Variants in IDO1 observed in about 807,000 individuals in gnomAD.
IDO1 encodes the protein indolamine 2,3 dioxygenase.
IDO1 carries 35 observed loss-of-function variants against 38.8 expected under a neutral mutation model. The observed-to-expected ratio is 0.90, with a 90% CI of 0.69 to 1.20. IDO1 has a LOEUF of 1.20. Ranked by LOEUF, IDO1 falls within the 50% of genes most tolerant of loss-of-function variation. IDO1 has a pLI of 0.00. For missense variants in IDO1, 509 were observed against 485.1 expected (o/e 1.05, Z -0.46); for synonymous variants, 171 against 170.0 (o/e 1.01, Z -0.05).
At chr8:39,924,965 G>A (rs1290786114) in intron 8 of IDO1, among the ~76,000 whole-genome samples, 193 bp downstream of exon 8, 1 of 152,140 alleles carries the variant, frequency 6.6e-6, no homozygotes, top group Non-Finnish European at 1.5e-5. Flanking sequence ...AGGAAAGCTA[G>A]TTATTTTAAA....
intron 1 of IDO1, among the ~76,000 whole-genome samples, chr8:39,915,984 T>C (rs1477959676): frequency 1.3e-5 from 2 of 151,438 alleles, no homozygotes; most frequent in East Asian, 3.9e-4. Context: ...GCCAATGTGG[T>C]GAAACCCCGT....
At chr8:39,915,166 T>C (rs1219013316) in intron 1 of IDO1, among the ~76,000 whole-genome samples, 3 of 152,176 alleles carry the variant, frequency 2.0e-5, no homozygotes, top group Non-Finnish European at 4.4e-5. Flanking sequence ...GAGGCCAGTA[T>C]GAGCCTAAGC....
At chr8:39,914,951 G>T (rs1807151682) in intron 1 of IDO1, among the ~76,000 whole-genome samples, 1 of 152,088 alleles carries the variant, frequency 6.6e-6, no homozygotes, top group Non-Finnish European at 1.5e-5. Context: ...ATTTTTAGTA[G>T]AGACGGGGTT....
Position 39,928,417 on chromosome 8 carries a change from T to C in IDO1, c.*232T>C. 2.3e-6 allele frequency: 1 copy of C among 436,014 alleles called. No individual in the cohort carries two copies. Among genetic ancestry groups the C allele is most frequent in the Non-Finnish European group, 4.1e-6 (1 of 244,884 alleles). 27.0% of individuals were successfully genotyped at this position (436,014 alleles called of 1,614,324 possible). On this transcript the variant is annotated 3_prime_UTR_variant, in exon 10 of 10. Coordinates refer to ENST00000518237, the MANE Select transcript of IDO1 (RefSeq NM_002164.6). ...ATCTTATCATTGGAATAAAATGACA[T>C]TCAATAAATAAAAATGCATAAGATA...
intron 9 of IDO1, among the ~76,000 whole-genome samples, chr8:39,927,514 C>G (rs1261886453): frequency 6.7e-6 from 1 of 148,634 alleles, no homozygotes; most frequent in East Asian, 2.0e-4. Flanking sequence ...GAGCCGAGAT[C>G]GTGCCACTGC....
In IDO1 at chr8:39,918,199, G is replaced by C. The variant is rs1807208535; in HGVS notation, c.295G>C (p.Val99Leu). 6.2e-7 allele frequency: 1 copy of C among 1,607,282 alleles called. No individual in the cohort carries two copies. Among genetic ancestry groups the C allele is most frequent in the East Asian group, 2.2e-5 (1 of 44,690 alleles). Residue 99 changes from valine to leucine, a missense_variant, in exon 3 of 10, where the codon GTC becomes CTC. Transcript: ENST00000518237. ...TGTGTGGGGCAAAGGTCATGGAGAT[G>C]TCCGTAAGGTTTGGAGATTTTCTCA... ...AYVWGKGHGD[V>L]RKVLPRNIAV...
At chr8:39,918,303 C>T (rs912531241) in intron 3 of IDO1, 96 bp downstream of exon 3, 7 of 1,264,934 alleles carry the variant, frequency 5.5e-6, no homozygotes, top group Non-Finnish European at 7.8e-6. Flanking sequence ...ATTATAACTG[C>T]ATCATGCAAA....
At position 39,918,224 on chromosome 8, in the gene IDO1, A is replaced by T. The variant is rs748288673; in HGVS notation, c.303+17A>T. On this transcript the variant is annotated intron_variant, in intron 3 of 9. Coordinates refer to ENST00000518237, the MANE Select transcript of IDO1 (RefSeq NM_002164.6). ...GTCCGTAAGGTTTGGAGATTTTCTC[A>T]GATTTCTTATGCTATGTGACAGATT... 6 of 1,597,696 alleles carry T rather than the reference A, an allele frequency of 3.8e-6. No homozygotes were observed. The Admixed American group carries it at 1.0e-4, about 27-fold the overall frequency.
intron 4 of IDO1, among the ~76,000 whole-genome samples, chr8:39,919,592 G>A (rs536676458): frequency 3.3e-4 from 51 of 152,270 alleles, no homozygotes; most frequent in African/African-American, 1.2e-3. Context: ...CTGGGTGTGT[G>A]CCTGTAGAAA....
Position 39,917,941 on chromosome 8 carries a change from T to C in IDO1, c.154T>C (p.Ser52Pro), listed in dbSNP as rs747693827. The change falls in exon 2 of 10, where the codon TCT (serine) becomes CCT (proline). Residue 52 changes from serine (S) to proline (P), a missense_variant. Physicochemically the swap from Ser to Pro is moderately conservative, Grantham distance 74. Coordinates refer to ENST00000518237, the MANE Select transcript of IDO1 (RefSeq NM_002164.6). ...TAAACATCTGCCTGATCTCATAGAG[T>C]CTGGCCAGCTTCGAGAAAGAGTTGA... is the stretch of plus-strand genomic sequence containing the variant. ...IAKHLPDLIESGQLRERVEKL... is the reference protein window; with the variant it reads ...IAKHLPDLIEPGQLRERVEKL... 2 of 1,613,054 alleles carry C rather than the reference T, an allele frequency of 1.2e-6. No individual in the cohort carries two copies. Among genetic ancestry groups the C allele is most frequent in the African/African-American group, 2.7e-5 (2 of 74,804 alleles).
rs751585450 is a variant in IDO1 at position 39,922,525 on chromosome 8, C to T, written c.438-27C>T. 8.8e-6 allele frequency: 13 copies of T among 1,477,564 alleles called. No homozygotes were observed. In the African/African-American group the frequency reaches 1.5e-4, roughly 17 times the overall value. 91.5% of individuals were successfully genotyped at this position (1,477,564 alleles called of 1,614,324 possible). Reference sequence around the variant, plus strand: ...ATATCCCATAATTTTTGCTAAACTTCTTGCCTTCCTTATCCAATTTCCTCA... The same window carrying T: ...ATATCCCATAATTTTTGCTAAACTTTTTGCCTTCCTTATCCAATTTCCTCA... On this transcript the variant is annotated intron_variant, in intron 5 of 9. Transcript: ENST00000518237.
At chr8:39,925,027 T>C (rs963225356) in intron 8 of IDO1, among the ~76,000 whole-genome samples, 196 bp from the exon 9 acceptor site, 40 of 152,206 alleles carry the variant, frequency 2.6e-4, no homozygotes, top group African/African-American at 9.4e-4. Context: ...AGAATAGTTA[T>C]GCCAAATCTG....
chr8:39,915,365 TCAAA>T (rs1013462814), intron 1 of IDO1, among the ~76,000 whole-genome samples: 45 of 152,338 alleles, frequency 3.0e-4, no homozygotes, highest in African/African-American at 1.1e-3. Context: ...TGTTTGTAGC[TCAAA>T]CAGTTACAGT....
chr8:39,919,070 G>A (rs1563415292), intron 4 of IDO1, 137 bp downstream of exon 4: 1 of 759,956 alleles, frequency 1.3e-6, no homozygotes, highest in Non-Finnish European at 2.4e-6. Flanking sequence ...TCCTCGGCTG[G>A]GTACGGTTTC....
intron 4 of IDO1, 132 bp downstream of exon 4, chr8:39,919,065 G>A (rs377597934): frequency 3.2e-5 from 24 of 761,340 alleles, no homozygotes; most frequent in South Asian, 1.8e-4. Context: ...TCAGTTCCTC[G>A]GCTGGGTACG....
chr8:39,928,309 G>C lies in IDO1; in HGVS notation c.*124G>C. 1.5e-6 allele frequency: 1 copy of C among 651,924 alleles called. No individual in the cohort carries two copies. The highest frequency in any genetic ancestry group is 2.5e-6 in the Non-Finnish European group (1 of 393,894). The allele number at this position is 651,924 out of a possible 1,614,324, so 40.4% of individuals were successfully genotyped here. Reference sequence around the variant, plus strand: ...GTTTTACCAATAATGCAATACAAAAGACCTCAAAATACCTGTGCATTTCTT... The same window carrying C: ...GTTTTACCAATAATGCAATACAAAACACCTCAAAATACCTGTGCATTTCTT... On this transcript the variant is annotated 3_prime_UTR_variant, in exon 10 of 10. Transcript: ENST00000518237.
At chr8:39,924,638 T>C in intron 7 of IDO1, 83 bp from the exon 8 acceptor site, 1 of 967,824 alleles carries the variant, frequency 1.0e-6, no homozygotes, top group Non-Finnish European at 1.6e-6. Context: ...TGTGCCAAAA[T>C]CCATTATCAG....
chr8:39,928,149 A>AC lies in IDO1; in HGVS notation c.1176_1177insC (p.Ser393GlnfsTer4). 6.2e-7 allele frequency: 1 copy of AC among 1,612,822 alleles called. No homozygotes were observed. Among genetic ancestry groups the AC allele is most frequent in the Non-Finnish European group, 8.5e-7 (1 of 1,179,438 alleles). ...TAATGAATTTCCTGAAGACTGTAAG[A>AC]AGTACAACTGAGAAATCCCTTTTGA... is the stretch of plus-strand genomic sequence containing the variant. On this transcript the variant is annotated frameshift_variant, in exon 10 of 10. Transcript: ENST00000518237. LOFTEE classifies it low-confidence loss of function (END_TRUNC).
rs948268558 is a variant in IDO1 at position 39,928,223 on chromosome 8, C to T, written c.*38C>T. 2.9e-6 allele frequency: 4 copies of T among 1,367,360 alleles called. No homozygotes were observed. The highest frequency in any genetic ancestry group is 2.0e-6 in the Non-Finnish European group (2 of 984,616). 84.7% of individuals were successfully genotyped at this position (1,367,360 alleles called of 1,614,324 possible). ...AGAGCACATTTTATCATAGCAGAGACATCTGTATGCATTCCTGTCATTACC... is the reference window on the plus strand; with the variant it reads ...AGAGCACATTTTATCATAGCAGAGATATCTGTATGCATTCCTGTCATTACC... On this transcript the variant is annotated 3_prime_UTR_variant, in exon 10 of 10. Coordinates refer to ENST00000518237, the MANE Select transcript of IDO1 (RefSeq NM_002164.6).
Sources: gnomAD v4.1 joint callset for allele counts (sites outside exome capture counted in the v4.1 genomes callset) on GRCh38, gnomAD v4.1.1 for gene constraint, MANE v1.5 for transcripts, NCBI Gene and HGNC (gene_info 2026-07-23, HGNC 2026-07-21) for gene names.